The following PLPPR5 variants were observed in gnomAD, a reference collection of about 807,000 sequenced individuals.
PLPPR5 encodes phospholipid phosphatase-related protein type 5.
In PLPPR5, 16 loss-of-function variants were observed where a neutral mutation model predicts 33.9. The ratio of observed to expected loss-of-function variants is 0.47; its 90% CI spans 0.32 to 0.72. The LOEUF is 0.72. PLPPR5 is among the 30% of genes least tolerant of loss of function. PLPPR5 has a pLI of 0.03. For synonymous variants in PLPPR5, 163 were observed against 150.3 expected (o/e 1.08, Z -0.62); for missense variants, 301 against 406.7 (o/e 0.74, Z 2.23).
chr1:98,958,193 T>C (rs1651088455), intron 1 of PLPPR5, among the ~76,000 whole-genome samples: 1 of 152,094 alleles, frequency 6.6e-6, no homozygotes, highest in Non-Finnish European at 1.5e-5. Flanking sequence ...ATACAGGGAG[T>C]CCCTGACATT....
intron 3 of PLPPR5, among the ~76,000 whole-genome samples, chr1:98,925,178 G>A (rs987376017): frequency 4.6e-5 from 7 of 152,196 alleles, no homozygotes; most frequent in Admixed American, 1.3e-4. Context: ...ATACAGAACA[G>A]GAATTGATTA....
At chr1:98,990,336 T>C (rs1445345676) in intron 1 of PLPPR5, among the ~76,000 whole-genome samples, 1 of 152,098 alleles carries the variant, frequency 6.6e-6, no homozygotes, top group African/African-American at 2.4e-5. Flanking sequence ...GCCACTATAC[T>C]TCCCCCTGGG....
At chr1:98,956,538 GTTATT>G in intron 2 of PLPPR5, 66 bp downstream of exon 2, 1 of 1,384,556 alleles carries the variant, frequency 7.2e-7, no homozygotes, top group Non-Finnish European at 9.6e-7. Context: ...TAACATGTGG[GTTATT>G]TTAAGGTTTA....
intron 1 of PLPPR5, among the ~76,000 whole-genome samples, chr1:98,977,058 A>T (rs1380133883): frequency 6.6e-6 from 1 of 152,032 alleles, no homozygotes; most frequent in East Asian, 1.9e-4. Context: ...CATCTGATTG[A>T]TATTCTAGTT....
chr1:98,946,932 A>G (rs1345324362), intron 3 of PLPPR5, among the ~76,000 whole-genome samples: 2 of 152,160 alleles, frequency 1.3e-5, no homozygotes, highest in South Asian at 4.1e-4. Context: ...CACTTGTAAA[A>G]TATCATTTTT....
intron 3 of PLPPR5, 43 bp downstream of exon 3, chr1:98,953,024 TAAC>T (rs1457032458): frequency 2.1e-5 from 34 of 1,586,372 alleles, no homozygotes; most frequent in Non-Finnish European, 2.8e-5. Flanking sequence ...TTGGAAAAAT[TAAC>T]AATAATACAG....
intron 3 of PLPPR5, among the ~76,000 whole-genome samples, chr1:98,930,210 A>C (rs1434679691): frequency 6.6e-6 from 1 of 152,202 alleles, no homozygotes; most frequent in Non-Finnish European, 1.5e-5. Flanking sequence ...TACATAAATA[A>C]AAAATTTAAG....
chr1:98,911,919 C>G (rs139489004), intron 5 of PLPPR5, among the ~76,000 whole-genome samples: 2 of 152,044 alleles, frequency 1.3e-5, no homozygotes, highest in South Asian at 4.1e-4. Flanking sequence ...GCCACCGCAC[C>G]TGGCTAATTT....
At chr1:98,893,640 T>G (rs1048505077) in intron 5 of PLPPR5, among the ~76,000 whole-genome samples, 14 of 149,070 alleles carry the variant, frequency 9.4e-5, no homozygotes, top group Admixed American at 2.0e-4. Flanking sequence ...TTTTTTTTTT[T>G]GGGAAATCAA....
rs1320233230 is a variant in PLPPR5, at chr1:98,953,217, A to G, written c.474T>C (p.Asn158=). The G allele has an allele frequency of 6.2e-7, 1 of 1,614,132 alleles. No homozygotes were observed. Among genetic ancestry groups the G allele is most frequent in the East Asian group, 2.2e-5 (1 of 44,870 alleles). The change falls in exon 3 of 6, where the codon AAT becomes AAC. Residue 158 remains asparagine, a synonymous_variant. Transcript: ENST00000263177. ...APHFLALCKP[N]YTALGCQQYT... is the part of the protein sequence containing the mutation. ...ACTGCTGACATCCAAGTGCTGTATA[A>G]TTGGGCTTACACAGGGCAAGGAAAT...
chr1:98,955,210 C>G (rs1483382059), intron 2 of PLPPR5, among the ~76,000 whole-genome samples: 1 of 152,012 alleles, frequency 6.6e-6, no homozygotes, highest in Non-Finnish European at 1.5e-5. Context: ...GAACAAGAAA[C>G]AAATGGGCTT....
chr1:98,927,062 TG>T (rs1228284278), intron 3 of PLPPR5, among the ~76,000 whole-genome samples: 2 of 152,170 alleles, frequency 1.3e-5, no homozygotes, highest in East Asian at 3.8e-4. Flanking sequence ...AGACCTGTGA[TG>T]GGGGCCAGGG....
At chr1:98,909,448 T>TA (rs912718517) in intron 5 of PLPPR5, among the ~76,000 whole-genome samples, 5 of 151,802 alleles carry the variant, frequency 3.3e-5, no homozygotes, top group African/African-American at 9.7e-5. Flanking sequence ...AAGTCTTTTT[T>TA]AAAAAAACTT....
chr1:99,002,629 T>C (rs1346270876), intron 1 of PLPPR5, among the ~76,000 whole-genome samples: 1 of 152,170 alleles, frequency 6.6e-6, no homozygotes, highest in Non-Finnish European at 1.5e-5. Context: ...TCATTCTTTT[T>C]CTCCGTCCTA....
At position 98,953,051 on chromosome 1, in the gene PLPPR5, AT is replaced by A. The variant is rs1490066475; in HGVS notation, c.621+18del. 1.2e-6 allele frequency: 2 copies of A among 1,612,940 alleles called. No homozygotes were observed. Among genetic ancestry groups the A allele is most frequent in the Non-Finnish European group, 1.7e-6 (2 of 1,179,304 alleles). On this transcript the variant is annotated intron_variant, in intron 3 of 5. Transcript: ENST00000263177. ...ACAATAATACAGACTAAGACAACAA[AT>A]TTATAATCCTTACTTACGGTCAGAT... is the stretch of plus-strand genomic sequence containing the variant.
intron 1 of PLPPR5, among the ~76,000 whole-genome samples, chr1:98,989,282 T>C (rs988456538): frequency 6.6e-6 from 1 of 152,156 alleles, no homozygotes; most frequent in African/African-American, 2.4e-5. Flanking sequence ...TCCAAACTCT[T>C]GGAATTATTC....
intron 1 of PLPPR5, among the ~76,000 whole-genome samples, chr1:99,000,369 C>A (rs1191961520): frequency 6.6e-6 from 1 of 152,122 alleles, no homozygotes; most frequent in African/African-American, 2.4e-5. Flanking sequence ...CCTAAACCAC[C>A]ACCCATCAAA....
intron 5 of PLPPR5, among the ~76,000 whole-genome samples, chr1:98,907,029 T>C (rs143698307): frequency 2.0e-5 from 3 of 152,144 alleles, no homozygotes; most frequent in Admixed American, 6.6e-5. Flanking sequence ...CTTTGTTCTT[T>C]ATGGTTTCTA....
chr1:98,957,354 TAAAAAG>T (rs1227054654), intron 1 of PLPPR5, among the ~76,000 whole-genome samples: 15 of 150,904 alleles, frequency 9.9e-5, no homozygotes, highest in Admixed American at 9.2e-4. Flanking sequence ...AATAAATAAA[TAAAAAG>T]AAAAATTATG....
Sources: allele counts gnomAD v4.1 joint callset (sites outside exome capture counted in the v4.1 genomes callset), GRCh38; gene constraint gnomAD v4.1.1; transcripts MANE v1.5; gene names NCBI Gene and HGNC (gene_info 2026-07-23, HGNC 2026-07-21).